ZFPM2: variants seen among roughly 807,000 people sequenced by gnomAD.
The protein encoded by ZFPM2 is zinc finger protein ZFPM2.
In ZFPM2, 20 loss-of-function variants were observed where a neutral mutation model predicts 98.6. The observed-to-expected ratio is 0.20, with a 90% confidence interval of 0.14 to 0.29. The LOEUF is 0.29. Ranked by LOEUF, ZFPM2 falls within the 10% of genes least tolerant of loss-of-function variation. ZFPM2 has a pLI of 1.00. For synonymous variants in ZFPM2, 518 were observed against 502.7 expected (o/e 1.03, Z -0.41); for missense variants, 1,310 against 1,388.6 (o/e 0.94, Z 0.90).
chr8:105,508,083 AG>A lies in ZFPM2; in HGVS notation c.302-53279del, dbSNP rs546805265. Among the ~76,000 whole-genome samples, 81 of 152,346 alleles carry A rather than the reference AG, an allele frequency of 5.3e-4. 2 individuals carry two copies. In the East Asian group the frequency reaches 0.015, roughly 28 times the overall value. ...AGCTGCAGGATTCCAGATGCTTCCA[AG>A]AAAATCTTACACCCACCTACTATTA... On this transcript the variant is annotated intron_variant, in intron 3 of 7. Coordinates refer to ENST00000407775, the MANE Select transcript of ZFPM2 (RefSeq NM_012082.4).
intron 4 of ZFPM2, among the ~76,000 whole-genome samples, chr8:105,597,799 T>A (rs757909847): frequency 3.9e-5 from 6 of 152,150 alleles, no homozygotes; most frequent in Non-Finnish European, 8.8e-5. Context: ...CCATGAATAA[T>A]GTCTTTCATT....
intron 3 of ZFPM2, among the ~76,000 whole-genome samples, chr8:105,476,124 T>C (rs565731661): frequency 9.5e-4 from 145 of 152,336 alleles, no homozygotes; most frequent in African/African-American, 3.3e-3. Flanking sequence ...AGTGCAAATA[T>C]GACTTTCAGT....
rs781203036 is a variant in ZFPM2, at chr8:105,801,659, G to A, written c.1577G>A (p.Arg526Gln). ...ILAKMSELVH[R>Q]RLRHGSSSYP... ...GCTAAGATGTCTGAACTGGTGCATCGGCGACTGAGGCATGGCAGTAGTAGC... is the reference window on the plus strand; with the variant it reads ...GCTAAGATGTCTGAACTGGTGCATCAGCGACTGAGGCATGGCAGTAGTAGC... The change falls in exon 8 of 8, where the codon CGG becomes CAG. Residue 526 changes from arginine to glutamine, a missense_variant. Arg to Gln is a conservative substitution (Grantham distance 43). Transcript: ENST00000407775. The A allele has an allele frequency of 4.3e-6, 7 of 1,613,488 alleles. No individual in the cohort carries two copies. The highest frequency in any genetic ancestry group is 3.3e-5 in the South Asian group (3 of 91,074).
chr8:105,380,395 A>G (rs1810823184), intron 1 of ZFPM2, among the ~76,000 whole-genome samples: 1 of 150,202 alleles, frequency 6.7e-6, no homozygotes, highest in Non-Finnish European at 1.5e-5. Context: ...GCAGGTGCTG[A>G]TATTTGGGGC....
chr8:105,773,426 A>G (rs1214389536), intron 5 of ZFPM2, among the ~76,000 whole-genome samples: 2 of 152,148 alleles, frequency 1.3e-5, no homozygotes, highest in Non-Finnish European at 2.9e-5. Context: ...TAGAAGTAAT[A>G]AGCACAGTAT....
chr8:105,774,199 C>T (rs1256657920), intron 5 of ZFPM2, among the ~76,000 whole-genome samples: 1 of 152,090 alleles, frequency 6.6e-6, no homozygotes, highest in African/African-American at 2.4e-5. Context: ...GAAAATGGTG[C>T]CTGTGTGCCA....
intron 3 of ZFPM2, among the ~76,000 whole-genome samples, chr8:105,459,534 AAAC>A (rs1417173421): frequency 6.6e-6 from 1 of 152,164 alleles, no homozygotes; most frequent in Non-Finnish European, 1.5e-5. Flanking sequence ...TGGGTGGATT[AAAC>A]AACAATAATT....
At chr8:105,664,052 T>G (rs1160002812) in intron 5 of ZFPM2, among the ~76,000 whole-genome samples, 6 of 151,926 alleles carry the variant, frequency 3.9e-5, no homozygotes, top group Non-Finnish European at 8.8e-5. Flanking sequence ...AAAAGAGGAG[T>G]ATTTTAATAG....
At chr8:105,661,479 G>A (rs1333319442) in intron 5 of ZFPM2, among the ~76,000 whole-genome samples, 1 of 152,126 alleles carries the variant, frequency 6.6e-6, no homozygotes, top group Non-Finnish European at 1.5e-5. Context: ...GTAATATAAT[G>A]TTCTTGATAA....
chr8:105,493,945 A>T (rs772261819), intron 3 of ZFPM2, among the ~76,000 whole-genome samples: 91 of 151,814 alleles, frequency 6.0e-4, no homozygotes, highest in Non-Finnish European at 1.2e-3. Context: ...GACTTCTCTG[A>T]CCTCCAAAAC....
At chr8:105,411,612 A>G (rs566856147) in intron 1 of ZFPM2, among the ~76,000 whole-genome samples, 6 of 152,008 alleles carry the variant, frequency 3.9e-5, no homozygotes, top group Non-Finnish European at 7.4e-5. Context: ...AATATATCTC[A>G]ATCATATAAA....
chr8:105,705,723 G>A (rs1441246456), intron 5 of ZFPM2, among the ~76,000 whole-genome samples: 1 of 152,086 alleles, frequency 6.6e-6, no homozygotes, highest in African/African-American at 2.4e-5. Context: ...CTGTTACCCT[G>A]GGTGAAAATG....
chr8:105,575,241 C>T (rs187184308), intron 4 of ZFPM2, among the ~76,000 whole-genome samples: 1 of 152,264 alleles, frequency 6.6e-6, no homozygotes, highest in Non-Finnish European at 1.5e-5. Context: ...AAAAATGTTT[C>T]TCTTTGGTTG....
chr8:105,450,882 A>G (rs1812471661), intron 3 of ZFPM2, among the ~76,000 whole-genome samples: 1 of 152,118 alleles, frequency 6.6e-6, no homozygotes, highest in Non-Finnish European at 1.5e-5. Flanking sequence ...GGCTCTTTGT[A>G]GAACAGAATG....
At chr8:105,330,538 C>A (rs13254989) in intron 1 of ZFPM2, among the ~76,000 whole-genome samples, 4,268 of 99,976 alleles carry the variant, frequency 0.043, 119 homozygotes, top group Non-Finnish European at 0.056. Context: ...CTCTCTCTCT[C>A]TATATATATA....
intron 3 of ZFPM2, among the ~76,000 whole-genome samples, chr8:105,516,125 C>T (rs10086208): frequency 9.6e-4 from 146 of 152,066 alleles, no homozygotes; most frequent in African/African-American, 3.3e-3. Context: ...GGGGTTTCAC[C>T]ATGTTGGCCA....
chr8:105,448,499 A>G (rs1812421918), intron 3 of ZFPM2, among the ~76,000 whole-genome samples: 1 of 152,022 alleles, frequency 6.6e-6, no homozygotes, highest in African/African-American at 2.4e-5. Flanking sequence ...AAGGTGTAAC[A>G]TCATGCTGTC....
chr8:105,511,682 C>G (rs1472624381), intron 3 of ZFPM2, among the ~76,000 whole-genome samples: 4 of 152,168 alleles, frequency 2.6e-5, no homozygotes, highest in African/African-American at 7.2e-5. Context: ...GTGAAATGAT[C>G]TAATACAAGC....
At chr8:105,610,513 C>A (rs950504275) in intron 4 of ZFPM2, among the ~76,000 whole-genome samples, 1 of 151,994 alleles carries the variant, frequency 6.6e-6, no homozygotes, top group African/African-American at 2.4e-5. Flanking sequence ...TGGAAACTAG[C>A]ATATAATAAC....
Sources: gnomAD v4.1 joint callset for allele counts (sites outside exome capture counted in the v4.1 genomes callset) on GRCh38, gnomAD v4.1.1 for gene constraint, MANE v1.5 for transcripts, NCBI Gene and HGNC (gene_info 2026-07-23, HGNC 2026-07-21) for gene names.